TMEM135: variants seen among roughly 807,000 people sequenced by gnomAD.
TMEM135 encodes peroxisomal membrane protein 52.
In TMEM135, 30 loss-of-function variants were observed where a neutral mutation model predicts 60.3. That is an observed-to-expected ratio of 0.50 (90% confidence interval 0.37 to 0.68). The LOEUF is 0.68. TMEM135 is among the 30% of genes least tolerant of loss of function. The pLI, the probability that TMEM135 is intolerant of heterozygous loss-of-function variation, is 0.00. For missense variants in TMEM135, 468 were observed against 548.8 expected (o/e 0.85, Z 1.47); for synonymous variants, 190 against 186.7 (o/e 1.02, Z -0.14).
chr11:87,219,495 T>C (rs1217614082), intron 5 of TMEM135, among the ~76,000 whole-genome samples: 1 of 151,172 alleles, frequency 6.6e-6, no homozygotes, highest in Non-Finnish European at 1.5e-5. Context: ...CCAGGGAGAG[T>C]GAGAGAGTGA....
chr11:87,045,186 C>T lies in TMEM135; in HGVS notation c.141+7000C>T, dbSNP rs529022552. On this transcript the variant is annotated intron_variant, in intron 1 of 14. Transcript: ENST00000305494. ...CTTGGACTACAGGTGCCTGCCACCA[C>T]GCCCAGCTAATTTTTTTGTATTTTT... Among the ~76,000 whole-genome samples the T allele has an allele frequency of 1.8e-3, 279 of 152,040 alleles. 5 individuals are homozygous for T. The highest frequency in any genetic ancestry group is 6.2e-3 in the African/African-American group (258 of 41,392).
intron 5 of TMEM135, among the ~76,000 whole-genome samples, chr11:87,206,195 C>A (rs2078855687): frequency 6.6e-6 from 1 of 152,142 alleles, no homozygotes; most frequent in East Asian, 1.9e-4. Flanking sequence ...AGACTGTTGG[C>A]AAAACTTCAG....
At chr11:87,177,025 A>G (rs1939388560) in intron 5 of TMEM135, among the ~76,000 whole-genome samples, 1 of 152,140 alleles carries the variant, frequency 6.6e-6, no homozygotes, top group Admixed American at 6.6e-5. Flanking sequence ...CTTTTGATAT[A>G]ATTTTCAGTA....
intron 5 of TMEM135, among the ~76,000 whole-genome samples, chr11:87,215,199 C>T (rs551460341): frequency 3.2e-4 from 48 of 152,010 alleles, no homozygotes; most frequent in Non-Finnish European, 2.5e-4. Flanking sequence ...ACATTTAGGA[C>T]CTACTGAATT....
At chr11:87,144,311 T>C (rs1194466163) in intron 4 of TMEM135, among the ~76,000 whole-genome samples, 1 of 152,224 alleles carries the variant, frequency 6.6e-6, no homozygotes, top group Non-Finnish European at 1.5e-5. Flanking sequence ...GTGGTTAGCA[T>C]GCTTTTTTTT....
In TMEM135 at chr11:87,157,714, GCTTT is replaced by G. The variant is rs1308854299; in HGVS notation, c.462+315_462+318del. ...TGAAAAAAAGAATTCCTTAGCTTTTGCTTTCTTTCTATTTTGTGTTATACAGAAC... is the reference window on the plus strand; with the variant it reads ...TGAAAAAAAGAATTCCTTAGCTTTTGCTTTCTATTTTGTGTTATACAGAAC... On this transcript the variant is annotated intron_variant, in intron 5 of 14. Transcript: ENST00000305494. 18 of 293,936 alleles carry G rather than the reference GCTTT, an allele frequency of 6.1e-5. No individual in the cohort carries two copies. In the East Asian group the frequency reaches 1.3e-3, roughly 22 times the overall value. The allele number at this position is 293,936 out of a possible 1,614,324, so 18.2% of individuals were successfully genotyped here.
intron 6 of TMEM135, among the ~76,000 whole-genome samples, chr11:87,260,383 A>C (rs1164888190): frequency 2.0e-5 from 3 of 152,202 alleles, no homozygotes; most frequent in African/African-American, 7.2e-5. Context: ...GGCTTTCCTT[A>C]TCTCACTTTT....
At chr11:87,182,710 G>A (rs1939549780) in intron 5 of TMEM135, among the ~76,000 whole-genome samples, 1 of 151,890 alleles carries the variant, frequency 6.6e-6, no homozygotes, top group Non-Finnish European at 1.5e-5. Context: ...GAAAATTTTT[G>A]TGTTTTTTAA....
At chr11:87,202,493 T>A (rs1940136022) in intron 5 of TMEM135, among the ~76,000 whole-genome samples, 1 of 152,132 alleles carries the variant, frequency 6.6e-6, no homozygotes, top group South Asian at 2.1e-4. Flanking sequence ...GTCCGGTTAA[T>A]GTATGTGTTT....
At position 87,205,746 on chromosome 11, in the gene TMEM135, G is replaced by C. The variant is rs923534718; in HGVS notation, c.463-30892G>C. ...GTAATATTTTTTCAAACCTAAGACT[G>C]GGCTGAATATAATATTTTAAGTTAA... On this transcript the variant is annotated intron_variant, in intron 5 of 14. Coordinates refer to ENST00000305494, the MANE Select transcript of TMEM135 (RefSeq NM_022918.4). Among the ~76,000 whole-genome samples, 27 of 152,238 alleles carry C rather than the reference G, an allele frequency of 1.8e-4. No homozygotes were observed. In the South Asian group the frequency reaches 2.3e-3, roughly 13 times the overall value.
At chr11:87,291,210 A>G (rs1043033738) in intron 6 of TMEM135, among the ~76,000 whole-genome samples, 2 of 152,124 alleles carry the variant, frequency 1.3e-5, no homozygotes, top group Non-Finnish European at 2.9e-5. Flanking sequence ...GTTAACACAC[A>G]TTTTAAACTT....
chr11:87,229,741 A>G (rs986906638), intron 5 of TMEM135, among the ~76,000 whole-genome samples: 6 of 152,118 alleles, frequency 3.9e-5, no homozygotes, highest in African/African-American at 1.4e-4. Flanking sequence ...GTAAAATTGA[A>G]AAGTATATGT....
chr11:87,081,017 A>T (rs1856981313), intron 3 of TMEM135, among the ~76,000 whole-genome samples: 1 of 152,116 alleles, frequency 6.6e-6, no homozygotes, highest in Admixed American at 6.6e-5. Flanking sequence ...TAGCTACTCC[A>T]ACCTTTTCAT....
At chr11:87,069,175 A>G (rs1051400699) in intron 2 of TMEM135, among the ~76,000 whole-genome samples, 1 of 149,678 alleles carries the variant, frequency 6.7e-6, no homozygotes, top group African/African-American at 2.5e-5. Flanking sequence ...AGTCCCATCT[A>G]CTTGGGAGGC....
chr11:87,287,127 A>G (rs1040337997), intron 6 of TMEM135, among the ~76,000 whole-genome samples: 1 of 152,164 alleles, frequency 6.6e-6, no homozygotes, highest in Non-Finnish European at 1.5e-5. Flanking sequence ...CAATTGAATA[A>G]TTTGAGGTAG....
At chr11:87,151,088 T>A (rs1344309784) in intron 4 of TMEM135, among the ~76,000 whole-genome samples, 2 of 152,126 alleles carry the variant, frequency 1.3e-5, no homozygotes, top group Admixed American at 1.3e-4. Flanking sequence ...TCCTGTTTCT[T>A]TGTTTAATGA....
chr11:87,080,761 A>G lies in TMEM135; in HGVS notation c.362+9146A>G, dbSNP rs746062762. Among the ~76,000 whole-genome samples the G allele has an allele frequency of 3.1e-4, 47 of 152,256 alleles. 1 individual carries two copies. Among genetic ancestry groups the G allele is most frequent in the South Asian group, 1.2e-3 (6 of 4,810 alleles). The stretch of plus-strand genomic sequence containing the variant: ...GAGTGCAGTGGCATGATGTCGGCTC[A>G]CTGCAACCTCCACCCACCGGGTTCA... On this transcript the variant is annotated intron_variant, in intron 3 of 14. Coordinates refer to ENST00000305494, the MANE Select transcript of TMEM135 (RefSeq NM_022918.4).
At chr11:87,157,502 G>A in intron 5 of TMEM135, 96 bp downstream of exon 5, 1 of 1,047,830 alleles carries the variant, frequency 9.5e-7, no homozygotes, top group Non-Finnish European at 1.5e-6. Flanking sequence ...CTTTGTCTAA[G>A]AAATAGAGAG....
intron 14 of TMEM135, among the ~76,000 whole-genome samples, chr11:87,320,718 G>T (rs975036180): frequency 6.6e-6 from 1 of 152,124 alleles, no homozygotes; most frequent in African/African-American, 2.4e-5. Flanking sequence ...TTGCCTTTTA[G>T]TCATTAAATG....
Sources: allele counts gnomAD v4.1 joint callset (sites outside exome capture counted in the v4.1 genomes callset), GRCh38; gene constraint gnomAD v4.1.1; transcripts MANE v1.5; gene names NCBI Gene and HGNC (gene_info 2026-07-23, HGNC 2026-07-21).